The following PMFBP1 variants were observed in gnomAD, a reference collection of about 807,000 sequenced individuals.
The protein encoded by PMFBP1 is polyamine modulated factor 1 binding protein 1.
A neutral mutation model predicts 137.8 loss-of-function variants in PMFBP1; 131 were observed. The observed-to-expected ratio is 0.95, with a 90% CI of 0.82 to 1.10. The LOEUF is 1.10. Ranked by LOEUF, PMFBP1 falls within the 50% of genes least tolerant of loss-of-function variation. The pLI is 0.00. For synonymous variants in PMFBP1, 490 were observed against 450.4 expected (o/e 1.09, Z -1.11); for missense variants, 1,199 against 1,175.4 (o/e 1.02, Z -0.29).
At chr16:72,158,890 G>A (rs11648479) in intron 3 of PMFBP1, among the ~76,000 whole-genome samples, 18,755 of 152,128 alleles carry the variant, frequency 0.12, 1,618 homozygotes, top group South Asian at 0.18. Context: ...AGCTACTTGG[G>A]AGGCTGAGGC....
At chr16:72,197,706 G>T in the PMFBP1 span, among the ~76,000 whole-genome samples, 1 of 152,152 alleles carries the variant, frequency 6.6e-6, no homozygotes, top group African/African-American at 2.4e-5. Flanking sequence ...TGTGGCTGAG[G>T]AGAGAGTGCA....
In PMFBP1 at chr16:72,125,321, T is replaced by C. The variant is rs201483624; in HGVS notation, c.2338A>G (p.Ile780Val). 6.2e-7 allele frequency: 1 copy of C among 1,614,064 alleles called. No homozygotes were observed. Among genetic ancestry groups the C allele is most frequent in the African/African-American group, 1.3e-5 (1 of 74,918 alleles). Residue 780 changes from isoleucine (I) to valine (V), a missense_variant, in exon 16 of 21, where the codon ATC becomes GTC. Physicochemically the swap from Ile to Val is conservative, Grantham distance 29. Transcript: ENST00000237353. ...TTCATCCTTTCCTCATAAGCAATGA[T>C]TTCCTCTTCCAGCTGAGCTTTCTTC... ...QEKKAQLEEE[I>V]IAYEERMKKL...
At chr16:72,229,417 C>T in the PMFBP1 span, among the ~76,000 whole-genome samples, 14 of 152,242 alleles carry the variant, frequency 9.2e-5, no homozygotes, top group African/African-American at 2.9e-4. Context: ...TTAAGTTCTT[C>T]GAGAAATTGC....
chr16:72,154,270 C>G lies in PMFBP1; in HGVS notation c.355G>C (p.Glu119Gln). 1 of 1,614,108 alleles carries G rather than the reference C, an allele frequency of 6.2e-7. No homozygotes were observed. Among genetic ancestry groups the G allele is most frequent in the Non-Finnish European group, 8.5e-7 (1 of 1,180,000 alleles). Reference protein sequence around the residue: ...YSLRQYQSILEKQTSDLVLLH... With the variant: ...YSLRQYQSILQKQTSDLVLLH... ...AGAACCAGGTCGGAAGTCTGCTTCT[C>G]TAGGATGGACTGATACTGGCGGAGA... is the stretch of plus-strand genomic sequence containing the variant. Residue 119 changes from glutamate (E) to glutamine (Q), a missense_variant, in exon 4 of 21, where the codon GAG (glutamate) becomes CAG (glutamine). Physicochemically the swap from Glu to Gln is conservative, Grantham distance 29. Transcript: ENST00000237353.
Position 72,154,437 on chromosome 16 carries a change from A to G in PMFBP1, c.188T>C (p.Leu63Ser). Reference sequence around the variant, plus strand: ...TTCCACCTCTGACTCCTCGAATGCTAATGCCTGTGCTTGCTTCTTGTCCTA... The same window carrying G: ...TTCCACCTCTGACTCCTCGAATGCTGATGCCTGTGCTTGCTTCTTGTCCTA... ...SSHDKKQAQA[L>S]AFEESEVEFG... Residue 63 changes from leucine (L) to serine (S), a missense_variant, in exon 4 of 21, where the codon TTA becomes TCA. By Grantham distance (145) the Leu-to-Ser change is moderately radical. Coordinates refer to ENST00000237353, the MANE Select transcript of PMFBP1 (RefSeq NM_031293.3). The G allele has an allele frequency of 6.2e-7, 1 of 1,614,110 alleles. No individual in the cohort carries two copies. The highest frequency in any genetic ancestry group is 1.3e-5 in the African/African-American group (1 of 75,040).
intron 3 of PMFBP1, among the ~76,000 whole-genome samples, chr16:72,157,298 A>G (rs1199841842): frequency 1.3e-5 from 2 of 151,972 alleles, no homozygotes; most frequent in African/African-American, 4.8e-5. Context: ...TATTAGAAGG[A>G]CAAAATGCAA....
the PMFBP1 span, among the ~76,000 whole-genome samples, chr16:72,208,050 T>C: frequency 1.3e-5 from 2 of 152,308 alleles, no homozygotes; most frequent in African/African-American, 2.4e-5. Context: ...GTCTGAATTT[T>C]TGGCCTTCCA....
chr16:72,128,338 T>A, intron 14 of PMFBP1: 1 of 1,282,638 alleles, frequency 7.8e-7, no homozygotes, highest in Non-Finnish European at 1.0e-6. Flanking sequence ...TTTGGAAGTG[T>A]TCCCTAGCAA....
chr16:72,155,633 C>T (rs993822206), intron 3 of PMFBP1, among the ~76,000 whole-genome samples: 5 of 152,180 alleles, frequency 3.3e-5, no homozygotes, highest in African/African-American at 1.2e-4. Flanking sequence ...TGGCCTTGGC[C>T]TCATTAACAG....
chr16:72,150,064 A>C (rs2042878702), intron 5 of PMFBP1, among the ~76,000 whole-genome samples: 1 of 152,216 alleles, frequency 6.6e-6, no homozygotes, highest in Non-Finnish European at 1.5e-5. Flanking sequence ...GTTAAAGGAA[A>C]AAAGAAACAA....
intron 20 of PMFBP1, chr16:72,119,578 T>C: frequency 6.9e-7 from 1 of 1,445,580 alleles, no homozygotes; most frequent in Non-Finnish European, 9.0e-7. Flanking sequence ...AAGATGCCTC[T>C]TCTACCTGTT....
chr16:72,125,297 T>A lies in PMFBP1; in HGVS notation c.2362A>T (p.Lys788Ter). The change falls in exon 16 of 21, where the codon AAA (lysine) becomes TAA (stop). Residue 788 changes from lysine to a stop codon, truncating the protein, a stop_gained. Transcript: ENST00000237353. LOFTEE classifies it high-confidence loss of function. ...EEIIAYEERM[K>*]KLNTELRKLR... Reference sequence around the variant, plus strand: ...TTTCTTAATTCCGTATTGAGCTTTTTCATCCTTTCCTCATAAGCAATGATT... The same window carrying A: ...TTTCTTAATTCCGTATTGAGCTTTTACATCCTTTCCTCATAAGCAATGATT... 6.2e-7 allele frequency: 1 copy of A among 1,614,216 alleles called. No individual in the cohort carries two copies. The highest frequency in any genetic ancestry group is 8.5e-7 in the Non-Finnish European group (1 of 1,180,040).
chr16:72,155,132 A>C (rs918757647), intron 3 of PMFBP1, among the ~76,000 whole-genome samples: 1 of 151,914 alleles, frequency 6.6e-6, no homozygotes, highest in Non-Finnish European at 1.5e-5. Context: ...TCATTCATTC[A>C]CTCAACAGAC....
chr16:72,138,581 T>A (rs1029992889), intron 7 of PMFBP1, among the ~76,000 whole-genome samples: 3 of 152,184 alleles, frequency 2.0e-5, no homozygotes, highest in African/African-American at 4.8e-5. Flanking sequence ...AGTGGTGTGA[T>A]CTCAGATCAC....
At chr16:72,122,055 C>G (rs1164287387) in intron 19 of PMFBP1, among the ~76,000 whole-genome samples, 1 of 152,188 alleles carries the variant, frequency 6.6e-6, no homozygotes, top group African/African-American at 2.4e-5. Flanking sequence ...TCCCACCCTC[C>G]ACCCTCTGAC....
the PMFBP1 span, among the ~76,000 whole-genome samples, chr16:72,215,928 G>C: frequency 2.0e-4 from 31 of 152,162 alleles, 2 homozygotes; most frequent in Admixed American, 2.0e-3. Flanking sequence ...TACCCCCTTT[G>C]GGTGTATATA....
chr16:72,198,919 T>A, the PMFBP1 span, among the ~76,000 whole-genome samples: 1 of 145,246 alleles, frequency 6.9e-6, no homozygotes, highest in Non-Finnish European at 1.5e-5. Flanking sequence ...GGCTGATAAA[T>A]CAGAACCTCT....
chr16:72,195,981 A>ATGTGTGTGTGTG, the PMFBP1 span, among the ~76,000 whole-genome samples: 2 of 144,952 alleles, frequency 1.4e-5, no homozygotes, highest in Admixed American at 6.9e-5. Flanking sequence ...AGCTTACAGA[A>ATGTGTGTGTGTG]TGTGTGTGTG....
chr16:72,239,906 A>G, the PMFBP1 span, among the ~76,000 whole-genome samples: 5 of 150,236 alleles, frequency 3.3e-5, no homozygotes, highest in South Asian at 2.1e-4. Flanking sequence ...AAAAAGAAAA[A>G]AAAAAAAAAA....
Sources: allele counts gnomAD v4.1 joint callset (sites outside exome capture counted in the v4.1 genomes callset), GRCh38; gene constraint gnomAD v4.1.1; transcripts MANE v1.5; gene names NCBI Gene and HGNC (gene_info 2026-07-23, HGNC 2026-07-21).